Variants in NRXN1 observed in about 807,000 individuals in gnomAD.
NRXN1 encodes neurexin-1.
In NRXN1, 39 loss-of-function variants were observed where a neutral mutation model predicts 150.9. The observed-to-expected ratio is 0.26, with a 90% CI of 0.20 to 0.34. NRXN1 has a LOEUF of 0.34. NRXN1 is among the 10% of genes least tolerant of loss of function. The pLI, the probability that NRXN1 is intolerant of heterozygous loss-of-function variation, is 1.00. For missense variants in NRXN1, 1,815 were observed against 1,949.9 expected (o/e 0.93, Z 1.30); for synonymous variants, 924 against 757.0 (o/e 1.22, Z -3.62).
intron 12 of NRXN1, among the ~76,000 whole-genome samples, chr2:50,520,959 T>C (rs986185555): frequency 6.6e-6 from 1 of 152,080 alleles, no homozygotes; most frequent in Non-Finnish European, 1.5e-5. Context: ...TTACAGTATG[T>C]TTGTTCTATA....
intron 8 of NRXN1, among the ~76,000 whole-genome samples, chr2:50,614,321 A>T (rs1344318455): frequency 6.6e-6 from 1 of 152,050 alleles, no homozygotes; most frequent in Non-Finnish European, 1.5e-5. Context: ...ATCACTGAAG[A>T]TCTCTTTTTC....
intron 15 of NRXN1, among the ~76,000 whole-genome samples, chr2:50,493,518 T>C (rs1440839194): frequency 6.6e-6 from 1 of 152,180 alleles, no homozygotes; most frequent in Non-Finnish European, 1.5e-5. Flanking sequence ...AACCCTGTTG[T>C]CCTCTTTCCA....
At chr2:50,728,338 ACTTAT>A (rs1697656962) in intron 5 of NRXN1, among the ~76,000 whole-genome samples, 1 of 152,152 alleles carries the variant, frequency 6.6e-6, no homozygotes, top group African/African-American at 2.4e-5. Flanking sequence ...TGCTTTACCT[ACTTAT>A]AAGATAGTCT....
At chr2:50,670,270 A>G (rs1363704811) in intron 5 of NRXN1, among the ~76,000 whole-genome samples, 1 of 151,878 alleles carries the variant, frequency 6.6e-6, no homozygotes, top group Non-Finnish European at 1.5e-5. Context: ...TCACATTTAT[A>G]TATTAACAAA....
chr2:50,299,384 T>C (rs2073941535), intron 17 of NRXN1, among the ~76,000 whole-genome samples: 1 of 151,802 alleles, frequency 6.6e-6, no homozygotes, highest in Admixed American at 6.6e-5. Context: ...ATGCTAAAGA[T>C]AGTGCTATAT....
intron 5 of NRXN1, among the ~76,000 whole-genome samples, chr2:50,683,646 AATATAT>A (rs71225142): frequency 3.4e-4 from 5 of 14,900 alleles, no homozygotes; most frequent in African/African-American, 1.8e-3. Flanking sequence ...AAAAAAAAAA[AATATAT>A]ATATATATAT....
At chr2:50,088,576 A>G (rs896213668) in intron 19 of NRXN1, among the ~76,000 whole-genome samples, 9 of 152,206 alleles carry the variant, frequency 5.9e-5, no homozygotes, top group Admixed American at 5.9e-4. Flanking sequence ...ATCTCTGATT[A>G]AATGTTGAAA....
In NRXN1 at chr2:50,026,859, C is replaced by CTTTTTTTTTTTTTTTTTTTTTT. The variant is rs57580154; in HGVS notation, c.4128+26390_4128+26411dup. 1.5e-4 allele frequency among the ~76,000 whole-genome samples: 10 copies of CTTTTTTTTTTTTTTTTTTTTTT among 65,242 alleles called. 1 individual carries two copies. Among genetic ancestry groups the CTTTTTTTTTTTTTTTTTTTTTT allele is most frequent in the Non-Finnish European group, 2.7e-4 (10 of 37,416 alleles). 42.8% of individuals were successfully genotyped at this position (65,242 alleles called of 152,430 possible). On this transcript the variant is annotated intron_variant, in intron 21 of 22. Coordinates refer to ENST00000401669, the MANE Select transcript of NRXN1 (RefSeq NM_001330078.2). ...TTGCATTGTTTAAGTCTTTTCTTTT[C>CTTTTTTTTTTTTTTTTTTTTTT]TTTTTTTTTTTTTTTTTTTTTTTTT...
chr2:50,664,440 G>GTGT (rs1355580575), intron 5 of NRXN1, among the ~76,000 whole-genome samples: 125 of 118,390 alleles, frequency 1.1e-3, no homozygotes, highest in South Asian at 2.1e-3. Flanking sequence ...TGTGTGTGTG[G>GTGT]CGTGGCGGGG....
chr2:50,611,152 T>G lies in NRXN1; in HGVS notation c.1320+8870A>C, dbSNP rs1374581314. On this transcript the variant is annotated intron_variant, in intron 8 of 22. Transcript: ENST00000401669. ...CAAGATGCTCTGGTAGGTGCTGAAA[T>G]TAAGAGAAAATGTTCAGTCTCAGAC... 2.0e-5 allele frequency among the ~76,000 whole-genome samples: 3 copies of G among 147,570 alleles called. No homozygotes were observed. In the Admixed American group the frequency reaches 2.1e-4, roughly 10 times the overall value.
At chr2:49,988,761 G>A (rs564879788) in intron 21 of NRXN1, among the ~76,000 whole-genome samples, 62 of 152,146 alleles carry the variant, frequency 4.1e-4, no homozygotes, top group African/African-American at 1.4e-3. Context: ...GAACTGTAAA[G>A]GATATATGTC....
At chr2:50,153,807 G>A (rs1488311166) in intron 18 of NRXN1, among the ~76,000 whole-genome samples, 2 of 151,632 alleles carry the variant, frequency 1.3e-5, no homozygotes, top group Admixed American at 6.6e-5. Flanking sequence ...ATGAGGAGAG[G>A]GTGAAATGAT....
At chr2:50,233,261 T>A (rs1234527907) in intron 18 of NRXN1, among the ~76,000 whole-genome samples, 3 of 152,052 alleles carry the variant, frequency 2.0e-5, no homozygotes, top group Non-Finnish European at 4.4e-5. Context: ...AATAGTAATA[T>A]TATATGACTT....
At chr2:50,057,019 T>C (rs1226956430) in intron 19 of NRXN1, among the ~76,000 whole-genome samples, 1 of 152,122 alleles carries the variant, frequency 6.6e-6, no homozygotes, top group Non-Finnish European at 1.5e-5. Context: ...GCCCAATTAC[T>C]ACTACAGTCT....
chr2:50,176,982 T>C (rs1266489821), intron 18 of NRXN1, among the ~76,000 whole-genome samples: 1 of 151,920 alleles, frequency 6.6e-6, no homozygotes, highest in Non-Finnish European at 1.5e-5. Context: ...AAAGAAACAG[T>C]GGGAAAAAAG....
At chr2:50,384,037 C>G (rs1380233029) in intron 17 of NRXN1, among the ~76,000 whole-genome samples, 1 of 152,150 alleles carries the variant, frequency 6.6e-6, no homozygotes, top group Non-Finnish European at 1.5e-5. Context: ...AACCTTCTCT[C>G]CATCCAACTT....
intron 5 of NRXN1, among the ~76,000 whole-genome samples, chr2:50,685,722 T>A (rs1691128985): frequency 6.6e-6 from 1 of 152,134 alleles, no homozygotes; most frequent in Non-Finnish European, 1.5e-5. Flanking sequence ...CCTGTCAGTA[T>A]CGTATTGAAA....
intron 17 of NRXN1, among the ~76,000 whole-genome samples, chr2:50,412,301 T>C (rs2083245788): frequency 1.3e-5 from 2 of 149,022 alleles, no homozygotes; most frequent in South Asian, 4.3e-4. Flanking sequence ...CACCCAAGAA[T>C]GATCAATAAA....
At chr2:50,616,956 G>GT (rs1559025348) in intron 8 of NRXN1, among the ~76,000 whole-genome samples, 2 of 152,200 alleles carry the variant, frequency 1.3e-5, no homozygotes, top group African/African-American at 4.8e-5. Context: ...GAGAGATTCT[G>GT]TGAGAATGAA....
Sources: gnomAD v4.1 joint callset for allele counts (sites outside exome capture counted in the v4.1 genomes callset) on GRCh38, gnomAD v4.1.1 for gene constraint, MANE v1.5 for transcripts, NCBI Gene and HGNC (gene_info 2026-07-23, HGNC 2026-07-21) for gene names.